Variants in LRMDA observed in about 807,000 individuals in gnomAD.
The protein encoded by LRMDA is leucine-rich melanocyte differentiation-associated protein.
Under a neutral mutation model 29.8 loss-of-function variants are expected in LRMDA, and 18 were observed. The ratio of observed to expected loss-of-function variants is 0.60; its 90% confidence interval spans 0.42 to 0.90. The LOEUF (loss-of-function observed/expected upper bound fraction) is 0.90. LRMDA is among the 40% of genes least tolerant of loss of function. The pLI is 0.00. For missense variants in LRMDA, 273 were observed against 273.9 expected (o/e 1.00, Z 0.02); for synonymous variants, 125 against 109.4 (o/e 1.14, Z -0.89).
chr10:75,766,352 G>A (rs966340647), intron 2 of LRMDA, among the ~76,000 whole-genome samples: 11 of 152,152 alleles, frequency 7.2e-5, no homozygotes, highest in Non-Finnish European at 1.6e-4. Flanking sequence ...CCAGTGCTGT[G>A]GGCAGTGCTT....
chr10:76,263,337 C>A (rs562287406), intron 5 of LRMDA, among the ~76,000 whole-genome samples: 2 of 151,882 alleles, frequency 1.3e-5, no homozygotes, highest in African/African-American at 4.8e-5. Context: ...TTTGCAAAAA[C>A]TTTTTATCAG....
At chr10:76,254,979 G>A (rs1183311457) in intron 5 of LRMDA, among the ~76,000 whole-genome samples, 1 of 152,146 alleles carries the variant, frequency 6.6e-6, no homozygotes, top group East Asian at 1.9e-4. Flanking sequence ...TGAACTCAAT[G>A]TACTTTTTTG....
intron 5 of LRMDA, among the ~76,000 whole-genome samples, chr10:76,292,377 G>A (rs536350274): frequency 2.0e-5 from 3 of 152,078 alleles, no homozygotes; most frequent in Non-Finnish European, 4.4e-5. Context: ...ACGGAGCAGA[G>A]CCTGGACTCC....
At chr10:76,450,492 C>T (rs1028126930) in intron 6 of LRMDA, among the ~76,000 whole-genome samples, 108 of 152,058 alleles carry the variant, frequency 7.1e-4, no homozygotes, top group African/African-American at 2.4e-3. Flanking sequence ...GCATATAAAA[C>T]TTATAAAGTC....
intron 2 of LRMDA, among the ~76,000 whole-genome samples, chr10:75,618,244 CTG>C (rs35646733): frequency 0.51 from 76,652 of 151,236 alleles, 21,953 homozygotes; most frequent in Non-Finnish European, 0.63. Context: ...CAAAATAACA[CTG>C]TAAAAGTGAT....
chr10:76,530,997 A>G (rs1332590323), intron 6 of LRMDA, among the ~76,000 whole-genome samples: 1 of 152,122 alleles, frequency 6.6e-6, no homozygotes, highest in Non-Finnish European at 1.5e-5. Flanking sequence ...TGTTTTTTCC[A>G]TGTTAATGTT....
At chr10:75,920,740 A>G (rs1055043215) in intron 2 of LRMDA, among the ~76,000 whole-genome samples, 2 of 152,226 alleles carry the variant, frequency 1.3e-5, no homozygotes, top group African/African-American at 4.8e-5. Flanking sequence ...TAGAAAATGA[A>G]ACACAGCTCA....
chr10:75,994,353 C>G (rs1847422750), intron 2 of LRMDA, among the ~76,000 whole-genome samples: 1 of 152,324 alleles, frequency 6.6e-6, no homozygotes, highest in Middle Eastern at 3.4e-3. Context: ...GAAAGGTGAA[C>G]AGAGGCAGCA....
At chr10:75,952,496 ACT>A (rs980083372) in intron 2 of LRMDA, among the ~76,000 whole-genome samples, 5 of 150,962 alleles carry the variant, frequency 3.3e-5, no homozygotes, top group African/African-American at 4.8e-5. Flanking sequence ...GTTCTCTCCC[ACT>A]CTCTCTCTCT....
At position 76,518,528 on chromosome 10, in the gene LRMDA, G is replaced by A. The variant is rs891441143; in HGVS notation, c.602-38681G>A. On this transcript the variant is annotated intron_variant, in intron 6 of 6. Coordinates refer to ENST00000611255, the MANE Select transcript of LRMDA (RefSeq NM_001305581.2). ...CCTAAGATACCGACATTTGTAAGAC[G>A]TGCTGTTATTTTATCTACCACTGTC... 4.6e-5 allele frequency among the ~76,000 whole-genome samples: 7 copies of A among 151,896 alleles called. No homozygotes were observed. In the South Asian group the frequency reaches 8.3e-4, roughly 18 times the overall value.
chr10:75,997,543 A>T (rs1343866212), intron 2 of LRMDA, among the ~76,000 whole-genome samples: 1 of 151,732 alleles, frequency 6.6e-6, no homozygotes, highest in Non-Finnish European at 1.5e-5. Flanking sequence ...AATGGCTAAG[A>T]TGTTTCTGTC....
intron 2 of LRMDA, among the ~76,000 whole-genome samples, chr10:75,656,449 T>G (rs1311359366): frequency 6.6e-6 from 1 of 152,238 alleles, no homozygotes; most frequent in Non-Finnish European, 1.5e-5. Context: ...TTTTTTATTG[T>G]TCTCTTACTT....
intron 2 of LRMDA, among the ~76,000 whole-genome samples, chr10:75,656,664 T>C (rs1007266012): frequency 1.3e-5 from 2 of 152,174 alleles, no homozygotes; most frequent in African/African-American, 4.8e-5. Flanking sequence ...ACAATGATGA[T>C]GCCTTTTCTA....
chr10:75,509,369 T>C (rs1845202454), intron 2 of LRMDA, among the ~76,000 whole-genome samples: 1 of 152,234 alleles, frequency 6.6e-6, no homozygotes, highest in Non-Finnish European at 1.5e-5. Context: ...CATATTATGC[T>C]CAAAATTTCC....
chr10:75,467,755 G>A (rs1489417187), intron 2 of LRMDA, among the ~76,000 whole-genome samples: 1 of 152,182 alleles, frequency 6.6e-6, no homozygotes, highest in South Asian at 2.1e-4. Flanking sequence ...GAGGTCAAGC[G>A]ATTGAGACCA....
chr10:75,779,761 T>G (rs1398053252), intron 2 of LRMDA, among the ~76,000 whole-genome samples: 1 of 152,186 alleles, frequency 6.6e-6, no homozygotes, highest in African/African-American at 2.4e-5. Context: ...ATCTTGTGGC[T>G]GTACCTTCTG....
chr10:75,600,214 C>T (rs1245637318), intron 2 of LRMDA, among the ~76,000 whole-genome samples: 2 of 152,186 alleles, frequency 1.3e-5, no homozygotes, highest in Admixed American at 6.5e-5. Context: ...TGGCCTCAGG[C>T]TCCTGCATCT....
At chr10:75,457,174 C>G (rs1292274379) in intron 2 of LRMDA, among the ~76,000 whole-genome samples, 1 of 152,200 alleles carries the variant, frequency 6.6e-6, no homozygotes, top group African/African-American at 2.4e-5. Flanking sequence ...TGCAGCTGGT[C>G]AGTGGGGGGA....
intron 2 of LRMDA, among the ~76,000 whole-genome samples, chr10:75,636,473 A>G (rs1841391379): frequency 6.6e-6 from 1 of 152,270 alleles, no homozygotes; most frequent in African/African-American, 2.4e-5. Context: ...CTAAGCTCTC[A>G]GTAAAATATT....
Sources: allele counts gnomAD v4.1 joint callset (sites outside exome capture counted in the v4.1 genomes callset), GRCh38; gene constraint gnomAD v4.1.1; transcripts MANE v1.5; gene names NCBI Gene and HGNC (gene_info 2026-07-23, HGNC 2026-07-21).